Variants in TSC22D3 observed in about 807,000 individuals in gnomAD.
TSC22D3 encodes the protein TSC22 domain family protein 3.
In TSC22D3, 4 loss-of-function variants were observed where a neutral mutation model predicts 11.1. The observed-to-expected ratio is 0.36, with a 90% CI of 0.18 to 0.83. TSC22D3 has a LOEUF of 0.83. Among genes scored for constraint, TSC22D3 ranks in the 40% least tolerant of loss-of-function variants. TSC22D3 has a pLI of 0.48. For missense variants in TSC22D3, 118 were observed against 159.4 expected, an observed-to-expected ratio of 0.74 and a Z score of 1.40; for synonymous variants, 77 against 70.3, an observed-to-expected ratio of 1.10 and a Z score of -0.48.
Position 107,775,316 on chromosome X carries a change from C to T in TSC22D3, c.104G>A (p.Gly35Glu). ...HRSGLQRGSS[G>E]ENNNPGSPTV... ...AGGGCTGCCCGGGTTGTTGTTCTCC[C>T]CGCTGCTGCCTCGCTGGAGCCCACT... is the stretch of plus-strand genomic sequence containing the variant. The change falls in exon 1 of 3, where the codon GGG (glycine) becomes GAG (glutamate). Residue 35 changes from glycine (G) to glutamate (E), a missense_variant. By Grantham distance (98) the Gly-to-Glu change is moderately conservative (BLOSUM62 -2). Transcript: ENST00000372383. The T allele has an allele frequency of 2.5e-6, 3 of 1,211,527 alleles. No individual in the cohort carries two copies. The highest frequency in any genetic ancestry group is 3.4e-6 in the Non-Finnish European group (3 of 895,321).
At chrX:107,751,765 G>T (rs1928945278) in intron 1 of TSC22D3, among the ~76,000 whole-genome samples, 1 of 111,975 alleles carries the variant, frequency 8.9e-6, no homozygotes, top group Admixed American at 9.4e-5. Context: ...AAGTCAACCA[G>T]ATTTTCAGGG....
At chrX:107,752,119 C>T (rs1221928957) in intron 1 of TSC22D3, among the ~76,000 whole-genome samples, 1 of 111,728 alleles carries the variant, frequency 9.0e-6, no homozygotes, top group African/African-American at 3.3e-5. Context: ...TAAGCAGCGG[C>T]GGGGGGTAGC....
chrX:107,763,048 G>C (rs1184925063), intron 1 of TSC22D3, among the ~76,000 whole-genome samples: 1 of 109,121 alleles, frequency 9.2e-6, no homozygotes, highest in African/African-American at 3.3e-5. Context: ...GTAGAGACAG[G>C]GTTTCTCCAT....
At chrX:107,746,133 C>T (rs1928640970) in intron 1 of TSC22D3, among the ~76,000 whole-genome samples, 2 of 111,606 alleles carry the variant, frequency 1.8e-5, no homozygotes, top group Admixed American at 1.9e-4. Context: ...TCATTGAGCC[C>T]TGCAATTCTC....
rs1930089405 is a variant in TSC22D3, at chrX:107,775,367, T to C, written c.53A>G (p.Asn18Ser). The C allele has an allele frequency of 1.7e-6, 2 of 1,204,607 alleles. No individual in the cohort carries two copies. Among genetic ancestry groups the C allele is most frequent in the Non-Finnish European group, 2.2e-6 (2 of 892,488 alleles). Residue 18 changes from asparagine to serine, a missense_variant, in exon 1 of 3, where the codon AAC becomes AGC. Physicochemically the swap from Asn to Ser is conservative, Grantham distance 46 (BLOSUM62 1). Coordinates refer to ENST00000372383, the MANE Select transcript of TSC22D3 (RefSeq NM_198057.3). ...CRSPVGLDCCNCCLDLAHRSG... is the reference protein window; with the variant it reads ...CRSPVGLDCCSCCLDLAHRSG... ...CCGATGGGCCAGGTCCAGGCAGCAGTTGCAGCAGTCGAGGCCGACAGGTGA... is the reference window on the plus strand; with the variant it reads ...CCGATGGGCCAGGTCCAGGCAGCAGCTGCAGCAGTCGAGGCCGACAGGTGA...
At chrX:107,735,551 C>A (rs756032700) in intron 1 of TSC22D3, among the ~76,000 whole-genome samples, 48 of 111,184 alleles carry the variant, frequency 4.3e-4, no homozygotes, top group African/African-American at 1.4e-3. Flanking sequence ...CCACCCTCAG[C>A]ATTTGATTCC....
At chrX:107,727,555 A>G (rs964134241) in intron 1 of TSC22D3, among the ~76,000 whole-genome samples, 19 of 110,876 alleles carry the variant, frequency 1.7e-4, no homozygotes, top group African/African-American at 6.2e-4. Flanking sequence ...ATATTTACCT[A>G]TGGACTTTAT....
rs531657059 is a variant in TSC22D3 at position 107,747,248 on chromosome X, C to T, written c.320+27852G>A. Among the ~76,000 whole-genome samples, 14 of 112,903 alleles carry T rather than the reference C, an allele frequency of 1.2e-4. No homozygotes were observed. In the South Asian group the frequency reaches 2.5e-3, roughly 20 times the overall value. ...TGTGTCCTCTTGCAGCTTGCTTAGT[C>T]CCCCTTATCACACACGCCCTGGGAC... is the stretch of plus-strand genomic sequence containing the variant. On this transcript the variant is annotated intron_variant, in intron 1 of 2. Coordinates refer to ENST00000372383, the MANE Select transcript of TSC22D3 (RefSeq NM_198057.3).
chrX:107,733,657 C>T lies in TSC22D3; in HGVS notation c.321-17707G>A, dbSNP rs141431634. On this transcript the variant is annotated intron_variant, in intron 1 of 2. Transcript: ENST00000372383. ...CTCTTGCTGCTGTGCCGAATGAACCCGTTTTCCCAGCCCTGACCTCGGGCC... is the reference window on the plus strand; with the variant it reads ...CTCTTGCTGCTGTGCCGAATGAACCTGTTTTCCCAGCCCTGACCTCGGGCC... 1.4e-4 allele frequency among the ~76,000 whole-genome samples: 16 copies of T among 111,751 alleles called. No homozygotes were observed. The East Asian group carries it at 3.7e-3, about 26-fold the overall frequency.
chrX:107,744,779 A>G (rs1218979050), intron 1 of TSC22D3, among the ~76,000 whole-genome samples: 1 of 111,559 alleles, frequency 9.0e-6, no homozygotes, highest in Non-Finnish European at 1.9e-5. Context: ...GCTCCTGTGG[A>G]TGTATTCCTT....
At chrX:107,740,296 A>C (rs1157783846) in intron 1 of TSC22D3, among the ~76,000 whole-genome samples, 1 of 111,926 alleles carries the variant, frequency 8.9e-6, no homozygotes, top group East Asian at 2.8e-4. Context: ...ACAGTAAGAG[A>C]GATCGTGCTG....
intron 1 of TSC22D3, among the ~76,000 whole-genome samples, chrX:107,755,977 T>C (rs1473887183): frequency 9.0e-6 from 1 of 111,715 alleles, no homozygotes; most frequent in African/African-American, 3.3e-5. Context: ...GTGTTGAGTG[T>C]CATGGGGCAG....
At chrX:107,774,995 G>A (rs1375689205) in intron 1 of TSC22D3, 105 bp downstream of exon 1, 6 of 952,346 alleles carry the variant, frequency 6.3e-6, no homozygotes, top group Non-Finnish European at 8.8e-6. Flanking sequence ...GACCTCCCCA[G>A]TACCCCTCCT....
At chrX:107,717,209 A>G in intron 1 of TSC22D3, 1 of 419,914 alleles carries the variant, frequency 2.4e-6, no homozygotes, top group Non-Finnish European at 3.0e-6. Context: ...GACTGTAAAC[A>G]GTTCAGCACT....
intron 1 of TSC22D3, among the ~76,000 whole-genome samples, chrX:107,742,173 CAG>C (rs1015121849): frequency 1.8e-5 from 2 of 109,743 alleles, no homozygotes; most frequent in Non-Finnish European, 3.8e-5. Context: ...GGTGCCTTCA[CAG>C]AAAGTCAGTG....
chrX:107,760,011 G>A (rs990164467), intron 1 of TSC22D3, among the ~76,000 whole-genome samples: 2 of 112,740 alleles, frequency 1.8e-5, no homozygotes, highest in Non-Finnish European at 3.8e-5. Context: ...TGCCGAGACC[G>A]GGCCAGCTTC....
intron 1 of TSC22D3, 159 bp downstream of exon 1, chrX:107,774,941 G>A (rs903712559): frequency 3.5e-6 from 2 of 577,544 alleles, no homozygotes; most frequent in Non-Finnish European, 2.7e-6. Context: ...CAGCTCCGCG[G>A]TACTCCAGGC....
intron 1 of TSC22D3, among the ~76,000 whole-genome samples, chrX:107,746,068 G>T (rs756108305): frequency 5.2e-4 from 58 of 112,181 alleles, no homozygotes; most frequent in Non-Finnish European, 1.0e-3. Context: ...GATTCCCATT[G>T]ATCCAAGAAC....
intron 1 of TSC22D3, among the ~76,000 whole-genome samples, chrX:107,735,081 C>CA (rs770689646): frequency 3.6e-5 from 4 of 110,720 alleles, no homozygotes; most frequent in Non-Finnish European, 5.7e-5. Flanking sequence ...AAGGGCTCAC[C>CA]AGGCACCATC....
Sources: allele counts gnomAD v4.1 joint callset (sites outside exome capture counted in the v4.1 genomes callset), GRCh38; gene constraint gnomAD v4.1.1; transcripts MANE v1.5; gene names NCBI Gene and HGNC (gene_info 2026-07-23, HGNC 2026-07-21).